The following TUSC3 variants were observed in gnomAD, a reference collection of about 807,000 sequenced individuals.
TUSC3 encodes dolichyl-diphosphooligosaccharide--protein glycosyltransferase subunit TUSC3.
TUSC3 carries 45 observed loss-of-function variants against 44.8 expected under a neutral mutation model. The ratio of observed to expected loss-of-function variants is 1.00; its 90% CI spans 0.79 to 1.29. The LOEUF is 1.29. Ranked by LOEUF, TUSC3 falls within the 50% of genes most tolerant of loss-of-function variation. TUSC3 has a pLI of 0.00. For missense variants in TUSC3, 519 were observed against 437.9 expected (o/e 1.19, Z -1.65); for synonymous variants, 212 against 152.9 (o/e 1.39, Z -2.85).
chr8:15,644,211 A>T (rs1182137479), intron 2 of TUSC3, among the ~76,000 whole-genome samples: 1 of 152,196 alleles, frequency 6.6e-6, no homozygotes, highest in Non-Finnish European at 1.5e-5. Flanking sequence ...GAGAAGATTT[A>T]CTATAACACA....
intron 1 of TUSC3, among the ~76,000 whole-genome samples, chr8:15,603,238 C>G (rs1354380417): frequency 1.3e-5 from 2 of 151,498 alleles, no homozygotes; most frequent in African/African-American, 4.8e-5. Context: ...TCACTGGAAC[C>G]TGAGTTGTTA....
chr8:15,648,715 G>A (rs925618967), intron 2 of TUSC3, among the ~76,000 whole-genome samples: 5 of 69,352 alleles, frequency 7.2e-5, no homozygotes, highest in African/African-American at 2.7e-4. Context: ...GACAGAGCAA[G>A]ACTCTGTGTC....
chr8:15,610,902 G>A (rs1804735146), intron 1 of TUSC3, among the ~76,000 whole-genome samples: 1 of 152,090 alleles, frequency 6.6e-6, no homozygotes, highest in African/African-American at 2.4e-5. Flanking sequence ...AGTTCAGGTT[G>A]ATAGACACAT....
chr8:15,802,103 C>A, the TUSC3 span, among the ~76,000 whole-genome samples: 1 of 152,296 alleles, frequency 6.6e-6, no homozygotes, highest in South Asian at 2.1e-4. Context: ...GTTCATGCGC[C>A]TGTGAAGACA....
rs2604355 is a variant in TUSC3 at position 15,741,196 on chromosome 8, G to A, written c.863-2342G>A. Among the ~76,000 whole-genome samples, 1,480 of 152,078 alleles carry A rather than the reference G, an allele frequency of 9.7e-3. 9 individuals are homozygous for A. Among genetic ancestry groups the A allele is most frequent in the Middle Eastern group, 0.027 (8 of 294 alleles). ...ATATGTGTATAAAATTTGACCCTAA[G>A]AACATACTAATATATTGCTTTACTC... On this transcript the variant is annotated intron_variant, in intron 7 of 10. Transcript: ENST00000503731.
chr8:15,851,013 G>A, the TUSC3 span, among the ~76,000 whole-genome samples: 2 of 152,160 alleles, frequency 1.3e-5, no homozygotes, highest in Non-Finnish European at 2.9e-5. Context: ...ATTTTAGTGG[G>A]AATGGTAGGT....
intron 2 of TUSC3, among the ~76,000 whole-genome samples, chr8:15,519,340 T>A (rs1336174626): frequency 3.3e-5 from 5 of 152,216 alleles, no homozygotes; most frequent in East Asian, 1.9e-4. Context: ...CAGCATTTTT[T>A]ATAGCTTTTC....
intron 1 of TUSC3, among the ~76,000 whole-genome samples, chr8:15,563,398 G>T (rs991131134): frequency 6.6e-6 from 1 of 151,902 alleles, no homozygotes; most frequent in Non-Finnish European, 1.5e-5. Context: ...TGGGAAGATT[G>T]CTGTAAGGTA....
chr8:15,537,225 C>G (rs1801536855), upstream of TUSC3, among the ~76,000 whole-genome samples: 1 of 152,106 alleles, frequency 6.6e-6, no homozygotes, highest in African/African-American at 2.4e-5. Context: ...CTAAACATTC[C>G]TTTCCACTGA....
At chr8:15,782,604 T>C in the TUSC3 span, among the ~76,000 whole-genome samples, 108 of 152,262 alleles carry the variant, frequency 7.1e-4, no homozygotes, top group East Asian at 0.014. Flanking sequence ...TAAATATAAT[T>C]CACCATATTA....
chr8:15,767,353 T>C (rs569584387), downstream of TUSC3, among the ~76,000 whole-genome samples: 32 of 152,076 alleles, frequency 2.1e-4, no homozygotes, highest in Non-Finnish European at 3.5e-4. Context: ...CATCTATCTA[T>C]TTCCATTAAA....
chr8:15,507,346 C>G (rs1801070485), intron 2 of TUSC3, among the ~76,000 whole-genome samples: 2 of 152,130 alleles, frequency 1.3e-5, no homozygotes, highest in African/African-American at 2.4e-5. Flanking sequence ...TTTCAGCTAT[C>G]TCTCATATAT....
rs1214158389 is a variant in TUSC3, at chr8:15,523,656, ATATATATATGTG to A, written n.189+40175_189+40186del. Among the ~76,000 whole-genome samples the A allele has an allele frequency of 2.6e-3, 244 of 93,462 alleles. 3 individuals are homozygous for A. Among genetic ancestry groups the A allele is most frequent in the African/African-American group, 9.9e-3 (191 of 19,274 alleles). 61.3% of individuals were successfully genotyped at this position (93,462 alleles called of 152,430 possible). On this transcript the variant is annotated intron_variant and non_coding_transcript_variant, in intron 2 of 5. Coordinates refer to the TUSC3 transcript ENST00000503191. ...TTTAAAAACATATATATATATATAT[ATATATATATGTG>A]TGTGTGTGTGTGTGTGTGTGTGTGT...
intron 1 of TUSC3, among the ~76,000 whole-genome samples, chr8:15,482,107 C>A (rs974007827): frequency 2.0e-5 from 3 of 152,308 alleles, no homozygotes; most frequent in Admixed American, 2.0e-4. Context: ...CTTAAGAAAT[C>A]ACTTTCTTTG....
At chr8:15,712,130 A>G (rs1022018475) in intron 6 of TUSC3, among the ~76,000 whole-genome samples, 4 of 151,978 alleles carry the variant, frequency 2.6e-5, no homozygotes, top group African/African-American at 9.7e-5. Flanking sequence ...CTTATTTTAC[A>G]AGTATTGTAA....
chr8:15,849,941 C>T, the TUSC3 span, among the ~76,000 whole-genome samples: 2 of 152,096 alleles, frequency 1.3e-5, no homozygotes, highest in Non-Finnish European at 2.9e-5. Context: ...AATAAAGAAA[C>T]CTGAGTGCTT....
chr8:15,842,217 C>A, the TUSC3 span, among the ~76,000 whole-genome samples: 1 of 152,018 alleles, frequency 6.6e-6, no homozygotes, highest in Admixed American at 6.5e-5. Context: ...CCTAAGAGAA[C>A]GAGTATGAAT....
rs147771803 is a variant in TUSC3 at position 15,482,853 on chromosome 8, T to C, written n.92-533T>C. On this transcript the variant is annotated intron_variant and non_coding_transcript_variant, in intron 1 of 5. Coordinates refer to the TUSC3 transcript ENST00000503191. Reference sequence around the variant, plus strand: ...CAAGGTCTTTGTATGATAGAATACATGACTTTCTTCACCTTTTTACATTTT... The same window carrying C: ...CAAGGTCTTTGTATGATAGAATACACGACTTTCTTCACCTTTTTACATTTT... Among the ~76,000 whole-genome samples the C allele has an allele frequency of 9.6e-3, 1,462 of 152,348 alleles. 25 individuals carry two copies. Among genetic ancestry groups the C allele is most frequent in the African/African-American group, 0.033 (1,386 of 41,590 alleles).
chr8:15,761,288 A>G (rs1175948841), intron 10 of TUSC3, among the ~76,000 whole-genome samples: 2 of 152,190 alleles, frequency 1.3e-5, no homozygotes, highest in Non-Finnish European at 2.9e-5. Flanking sequence ...GGAGAGAGCC[A>G]GCCTTAAGGA....
Sources: allele counts gnomAD v4.1 joint callset (sites outside exome capture counted in the v4.1 genomes callset), GRCh38; gene constraint gnomAD v4.1.1; transcripts MANE v1.5; gene names NCBI Gene and HGNC (gene_info 2026-07-23, HGNC 2026-07-21).